Variants in DLG2 observed in about 807,000 individuals in gnomAD.
DLG2 encodes the protein disks large homolog 2.
Under a neutral mutation model 132.5 loss-of-function variants are expected in DLG2, and 45 were observed. That is an observed-to-expected ratio of 0.34 (90% CI 0.27 to 0.44). DLG2 has a LOEUF of 0.44. Among genes scored for constraint, DLG2 ranks in the 20% least tolerant of loss-of-function variants. The pLI, the probability that DLG2 is intolerant of heterozygous loss-of-function variation, is 1.00. For missense variants in DLG2, 1,045 were observed against 1,196.9 expected, an observed-to-expected ratio of 0.87 and a Z score of 1.87; for synonymous variants, 424 against 419.6, an observed-to-expected ratio of 1.01 and a Z score of -0.13.
intron 18 of DLG2, among the ~76,000 whole-genome samples, chr11:83,639,008 C>T (rs1376977998): frequency 1.3e-5 from 2 of 152,194 alleles, no homozygotes; most frequent in Admixed American, 1.3e-4. Context: ...ACCATTCACA[C>T]AGAAAAGGAG....
intron 18 of DLG2, among the ~76,000 whole-genome samples, chr11:83,706,984 CAT>C (rs1463992120): frequency 2.0e-5 from 3 of 152,222 alleles, no homozygotes; most frequent in Admixed American, 6.5e-5. Flanking sequence ...ATCAAGCAAA[CAT>C]AGATACTTTC....
chr11:83,617,982 G>A (rs548329241), intron 19 of DLG2, among the ~76,000 whole-genome samples: 2 of 152,290 alleles, frequency 1.3e-5, no homozygotes, highest in East Asian at 3.9e-4. Context: ...GTGTGATGGA[G>A]TGAGACTCTG....
intron 7 of DLG2, among the ~76,000 whole-genome samples, chr11:84,367,404 T>G (rs1236307775): frequency 1.3e-5 from 2 of 152,240 alleles, no homozygotes; most frequent in East Asian, 3.9e-4. Context: ...AAACCAGCAC[T>G]GGGACAGACT....
intron 7 of DLG2, among the ~76,000 whole-genome samples, chr11:84,261,009 C>T (rs978537606): frequency 7.2e-5 from 11 of 152,128 alleles, no homozygotes; most frequent in Admixed American, 6.6e-4. Context: ...TGGTGCTATT[C>T]CTGGAAAGAT....
chr11:83,469,201 T>C lies in DLG2; in HGVS notation c.2619A>G (p.Arg873=). Residue 873 remains arginine (R), a splice_region_variant and synonymous_variant, in exon 25 of 28, where the codon AGA becomes AGG. Coordinates refer to ENST00000376104, the MANE Select transcript of DLG2 (RefSeq NM_001142699.3). ...SVQSVRFVAE[R]GKHCILDVSG... is the part of the protein sequence containing the mutation. Reference sequence around the variant, plus strand: ...GGTGTAAGAAGATTGGTGAACATACTCTTTCTGCTACAAATCTCACAGACT... The same window carrying C: ...GGTGTAAGAAGATTGGTGAACATACCCTTTCTGCTACAAATCTCACAGACT... The C allele has an allele frequency of 1.2e-6, 2 of 1,602,496 alleles. No homozygotes were observed. The highest frequency in any genetic ancestry group is 1.7e-6 in the Non-Finnish European group (2 of 1,174,600).
intron 6 of DLG2, among the ~76,000 whole-genome samples, chr11:84,829,483 C>T (rs2153991436): frequency 6.6e-6 from 1 of 151,740 alleles, no homozygotes; most frequent in Middle Eastern, 3.4e-3. Context: ...CAAAAATGAT[C>T]ATGAATTATA....
intron 15 of DLG2, among the ~76,000 whole-genome samples, chr11:83,879,555 C>T (rs764187821): frequency 6.6e-6 from 1 of 152,106 alleles, no homozygotes; most frequent in Non-Finnish European, 1.5e-5. Flanking sequence ...TAAATTGTCA[C>T]TATTCTTAAA....
chr11:84,355,993 C>T (rs2098609109), intron 7 of DLG2, among the ~76,000 whole-genome samples: 1 of 152,024 alleles, frequency 6.6e-6, no homozygotes, highest in Non-Finnish European at 1.5e-5. Flanking sequence ...GTGAAAATTT[C>T]ACATTATTTC....
chr11:84,827,525 T>C (rs972762549), intron 6 of DLG2, among the ~76,000 whole-genome samples: 1 of 150,554 alleles, frequency 6.6e-6, no homozygotes, highest in African/African-American at 2.4e-5. Context: ...TTTGGAAGAG[T>C]AGACTGGGTA....
chr11:84,066,531 G>A (rs1007680169), intron 10 of DLG2, among the ~76,000 whole-genome samples: 1 of 152,134 alleles, frequency 6.6e-6, no homozygotes, highest in Non-Finnish European at 1.5e-5. Context: ...AGGCTGAGAC[G>A]GGTGGATCAC....
chr11:85,043,752 T>G (rs2062068225), intron 6 of DLG2, among the ~76,000 whole-genome samples: 1 of 151,958 alleles, frequency 6.6e-6, no homozygotes, highest in African/African-American at 2.4e-5. Context: ...CTATTAGCTC[T>G]ATTTTTAATA....
chr11:85,089,545 G>A (rs1350300692), intron 6 of DLG2, among the ~76,000 whole-genome samples: 2 of 152,122 alleles, frequency 1.3e-5, no homozygotes. Context: ...GGACACCTAG[G>A]TGGATTCCGT....
At chr11:85,598,419 A>T (rs891132115) in intron 3 of DLG2, among the ~76,000 whole-genome samples, 2 of 152,110 alleles carry the variant, frequency 1.3e-5, no homozygotes, top group Admixed American at 1.3e-4. Flanking sequence ...TTCAATATTT[A>T]TATCTTTCAA....
At chr11:84,047,502 A>C (rs1450986482) in intron 11 of DLG2, among the ~76,000 whole-genome samples, 1 of 151,568 alleles carries the variant, frequency 6.6e-6, no homozygotes, top group Non-Finnish European at 1.5e-5. Flanking sequence ...ATTTTTTTTA[A>C]AGCTTACAAA....
rs1362333133 is a variant in DLG2 at position 84,868,400 on chromosome 11, G to A, written c.357+243261C>T. Among the ~76,000 whole-genome samples, 11 of 152,148 alleles carry A rather than the reference G, an allele frequency of 7.2e-5. No individual in the cohort carries two copies. The East Asian group carries it at 2.1e-3, about 29-fold the overall frequency. On this transcript the variant is annotated intron_variant, in intron 6 of 27. Transcript: ENST00000376104. ...TCTATTCAGTCAGCAAGGTCATTCTGCATTCATTGCTTCAAGTAAGAGATA... is the reference window on the plus strand; with the variant it reads ...TCTATTCAGTCAGCAAGGTCATTCTACATTCATTGCTTCAAGTAAGAGATA...
At chr11:83,851,772 T>C (rs1282098491) in intron 16 of DLG2, among the ~76,000 whole-genome samples, 1 of 151,126 alleles carries the variant, frequency 6.6e-6, no homozygotes, top group African/African-American at 2.4e-5. Context: ...AAACAAAAAT[T>C]AGCCGGGCAT....
At chr11:84,236,640 C>T (rs2097161904) in intron 8 of DLG2, among the ~76,000 whole-genome samples, 1 of 152,242 alleles carries the variant, frequency 6.6e-6, no homozygotes, top group African/African-American at 2.4e-5. Flanking sequence ...ATGTGCCTTG[C>T]ATAGCTAGCT....
At chr11:84,756,028 A>G (rs897671050) in intron 6 of DLG2, among the ~76,000 whole-genome samples, 1 of 152,236 alleles carries the variant, frequency 6.6e-6, no homozygotes, top group Non-Finnish European at 1.5e-5. Flanking sequence ...TCATTAGGAA[A>G]CATGGTGGTC....
intron 6 of DLG2, chr11:84,545,638 G>T (rs1432741826): frequency 1.4e-5 from 4 of 294,550 alleles, no homozygotes; most frequent in Non-Finnish European, 2.7e-5. Context: ...TAGAGTCATG[G>T]TCCTTAAGAG....
Sources: gnomAD v4.1 joint callset for allele counts (sites outside exome capture counted in the v4.1 genomes callset) on GRCh38, gnomAD v4.1.1 for gene constraint, MANE v1.5 for transcripts, NCBI Gene and HGNC (gene_info 2026-07-23, HGNC 2026-07-21) for gene names.